The following WARS1 variants were observed in gnomAD, a reference collection of about 807,000 sequenced individuals.
WARS1 encodes tryptophan--tRNA ligase, cytoplasmic.
WARS1 carries 17 observed loss-of-function variants against 47.8 expected under a neutral mutation model. The observed-to-expected ratio is 0.36, with a 90% CI of 0.24 to 0.53. WARS1 has a LOEUF of 0.53. Among genes scored for constraint, WARS1 ranks in the 20% least tolerant of loss-of-function variants. The probability of loss-of-function intolerance (pLI) is 0.91; values close to 1 mark genes in which losing one functional copy is unlikely to be tolerated. For synonymous variants in WARS1, 208 were observed against 228.1 expected, an observed-to-expected ratio of 0.91 and a Z score of 0.79; for missense variants, 434 against 608.0, an observed-to-expected ratio of 0.71 and a Z score of 3.01.
rs544601564 is a variant in WARS1 at position 100,335,126 on chromosome 14, C to A, written c.1255-90G>T. The A allele has an allele frequency of 3.7e-6, 5 of 1,349,810 alleles. No individual in the cohort carries two copies. The Admixed American group carries it at 1.0e-4, about 28-fold the overall frequency. 83.6% of individuals were successfully genotyped at this position (1,349,810 alleles called of 1,614,324 possible). A position where few individuals can be genotyped will look rare whatever the true frequency, so the allele number is the denominator to read the frequency against. ...TCGGGCACCAGCTCAGCCCACACCA[C>A]CCATGCAGAGCCTGGCACGTGGGTG... On this transcript the variant is annotated intron_variant, in intron 10 of 10. Transcript: ENST00000392882.
In WARS1 at chr14:100,337,316, C is replaced by T. The variant is rs377179142; in HGVS notation, c.1114-114G>A. On this transcript the variant is annotated intron_variant, in intron 9 of 10. Coordinates refer to ENST00000392882, the MANE Select transcript of WARS1 (RefSeq NM_004184.4). ...GGTGTGAGTGCTGTCAGATTCTGGA[C>T]CCGGGAAAGGCCAAGGCGCACAGCC... 19 of 1,502,468 alleles carry T rather than the reference C, an allele frequency of 1.3e-5. 1 individual carries two copies. The South Asian group carries it at 2.1e-4, about 17-fold the overall frequency. 93.1% of individuals were successfully genotyped at this position (1,502,468 alleles called of 1,614,324 possible).
rs566221593 is a variant in WARS1, at chr14:100,343,530, C to G, written c.827-143G>C. 6.8e-5 allele frequency: 40 copies of G among 590,310 alleles called. No homozygotes were observed. The African/African-American group carries it at 6.8e-4, about 10-fold the overall frequency. 36.6% of individuals were successfully genotyped at this position (590,310 alleles called of 1,614,324 possible). ...AAAAAATACAGAAAAGTAGAAAGAA[C>G]AAGCTGTACAGTTGCAATGTGTCTG... is the stretch of plus-strand genomic sequence containing the variant. On this transcript the variant is annotated intron_variant, in intron 7 of 10. Transcript: ENST00000392882.
At position 100,373,672 on chromosome 14, in the gene WARS1, T is replaced by G. The variant is rs1032944653; in HGVS notation, c.-74+1611A>C. Among the ~76,000 whole-genome samples the G allele has an allele frequency of 1.3e-5, 2 of 152,208 alleles. No homozygotes were observed. Among genetic ancestry groups the G allele is most frequent in the East Asian group, 3.8e-4 (2 of 5,202 alleles). The stretch of plus-strand genomic sequence containing the variant: ...CAGCTAGATAAACAGGACTTGCATT[T>G]AGGGTCCATGTTGCAGGGAAAAACA... On this transcript the variant is annotated intron_variant, in intron 1 of 10. Transcript: ENST00000392882. The surrounding 1 kb of genome is among the most constrained non-coding windows in gnomAD (Gnocchi z 4.4).
chr14:100,345,411 A>G (rs1186010650), intron 7 of WARS1, among the ~76,000 whole-genome samples: 2 of 152,184 alleles, frequency 1.3e-5, no homozygotes, highest in African/African-American at 4.8e-5. Flanking sequence ...TCAGGGTTAA[A>G]TGGATTAAGG....
At position 100,358,051 on chromosome 14, in the gene WARS1, T is replaced by C. The variant is rs116295092; in HGVS notation, c.422+2503A>G. The stretch of plus-strand genomic sequence containing the variant: ...ATCCTAGCTGCTGCTTTTGCAGAAA[T>C]GGAAAAGCTGAAATTCATATGGAAA... On this transcript the variant is annotated intron_variant, in intron 4 of 10. Transcript: ENST00000392882. 2.0e-3 allele frequency among the ~76,000 whole-genome samples: 312 copies of C among 152,260 alleles called. 1 individual carries two copies. The highest frequency in any genetic ancestry group is 7.0e-3 in the African/African-American group (289 of 41,556).
At chr14:100,335,083 G>A (rs377637046) in intron 10 of WARS1, 47 bp from the exon 11 acceptor site, 1 of 1,592,654 alleles carries the variant, frequency 6.3e-7, no homozygotes, top group African/African-American at 1.3e-5. Flanking sequence ...CACATGTCCT[G>A]AGTGGCTCCT....
At position 100,336,691 on chromosome 14, in the gene WARS1, T is replaced by C. The variant is rs144679956; in HGVS notation, c.1254+371A>G. The stretch of plus-strand genomic sequence containing the variant: ...CTGATAAACACTCTGCTCACTTGAG[T>C]GTGCCTTGAAGCATCTGCTTCATAA... On this transcript the variant is annotated intron_variant, in intron 10 of 10. Transcript: ENST00000392882. 2.8e-4 allele frequency: 48 copies of C among 168,468 alleles called. 1 individual carries two copies. In the East Asian group the frequency reaches 5.8e-3, roughly 20 times the overall value. 10.4% of individuals were successfully genotyped at this position (168,468 alleles called of 1,614,324 possible).
chr14:100,358,160 A>G (rs2140025858), intron 4 of WARS1, among the ~76,000 whole-genome samples: 1 of 152,146 alleles, frequency 6.6e-6, no homozygotes, highest in East Asian at 1.9e-4. Context: ...TTTGAGACGG[A>G]GTCTCACTGC....
chr14:100,338,944 T>C (rs190061498), intron 9 of WARS1, among the ~76,000 whole-genome samples: 2 of 150,690 alleles, frequency 1.3e-5, no homozygotes, highest in Non-Finnish European at 3.0e-5. Context: ...CCGTCTCTAC[T>C]GAAACTACAA....
Position 100,369,127 on chromosome 14 carries a change from C to T in WARS1, c.59G>A (p.Gly20Glu), listed in dbSNP as rs1896185661. ...LELFNSIATQ[G>E]ELVRSLKAGN... ...CGCTTTGAGGGACCTTACGAGCTCC[C>T]CTTGTGTGGCGATGCTGTTGAACAG... Residue 20 changes from glycine to glutamate, a missense_variant, in exon 2 of 11, where the codon GGG (glycine) becomes GAG (glutamate). Transcript: ENST00000392882. 1 of 1,572,060 alleles carries T rather than the reference C, an allele frequency of 6.4e-7. No individual in the cohort carries two copies. Among genetic ancestry groups the T allele is most frequent in the Non-Finnish European group, 8.7e-7 (1 of 1,150,740 alleles).
chr14:100,339,823 T>C (rs1894038403), intron 9 of WARS1: 1 of 152,044 alleles, frequency 6.6e-6, no homozygotes, highest in Admixed American at 6.6e-5. Flanking sequence ...CAGGGGCAGT[T>C]TGAAGAGGAT....
At chr14:100,368,955 C>T (rs1374405879) in intron 2 of WARS1, 132 bp downstream of exon 2, 4 of 513,864 alleles carry the variant, frequency 7.8e-6, no homozygotes, top group Non-Finnish European at 1.2e-5. Flanking sequence ...GAGTGAAATT[C>T]CCTCTCAAAA....
At chr14:100,361,552 T>G (rs1158061174) in intron 3 of WARS1, among the ~76,000 whole-genome samples, 156 bp downstream of exon 3, 1 of 152,262 alleles carries the variant, frequency 6.6e-6, no homozygotes, top group Non-Finnish European at 1.5e-5. Context: ...GGGAATATAA[T>G]GCACAACCAA....
At chr14:100,361,399 A>G (rs899177577) in intron 3 of WARS1, among the ~76,000 whole-genome samples, 9 of 152,240 alleles carry the variant, frequency 5.9e-5, no homozygotes, top group African/African-American at 2.2e-4. Flanking sequence ...TAGCCACTAA[A>G]TGTTATAAAT....
At chr14:100,344,987 C>T (rs565632891) in intron 7 of WARS1, among the ~76,000 whole-genome samples, 22 of 151,466 alleles carry the variant, frequency 1.5e-4, no homozygotes, top group Admixed American at 9.8e-4. Context: ...CCGCCCCGTC[C>T]GGGAGGGAAG....
chr14:100,367,623 A>G (rs918357785), intron 2 of WARS1, among the ~76,000 whole-genome samples: 2 of 151,338 alleles, frequency 1.3e-5, no homozygotes, highest in Non-Finnish European at 2.9e-5. Flanking sequence ...AAAAAAAAAA[A>G]AAAAAAAAGA....
intron 2 of WARS1, chr14:100,365,856 CA>C (rs998267731): frequency 1.1e-5 from 4 of 349,084 alleles, no homozygotes; most frequent in African/African-American, 6.5e-5. Context: ...GAGAGAAAAA[CA>C]AATGCTAAGA....
chr14:100,336,287 A>AAAG (rs1384884406), intron 10 of WARS1, among the ~76,000 whole-genome samples: 1 of 150,926 alleles, frequency 6.6e-6, no homozygotes, highest in Non-Finnish European at 1.5e-5. Flanking sequence ...AAAAAAAAAA[A>AAAG]AAAAGAAAGA....
intron 9 of WARS1, 58 bp downstream of exon 9, chr14:100,342,339 TG>T: frequency 6.2e-7 from 1 of 1,606,464 alleles, no homozygotes. Context: ...TGTGTGCGTG[TG>T]CCCCCCAGGG....
Sources: allele counts gnomAD v4.1 joint callset (sites outside exome capture counted in the v4.1 genomes callset), GRCh38; gene constraint gnomAD v4.1.1; non-coding constraint Gnocchi (gnomAD v3.1); transcripts MANE v1.5; gene names NCBI Gene and HGNC (gene_info 2026-07-23, HGNC 2026-07-21).